Variants in FSHR observed in about 807,000 individuals in gnomAD.
FSHR encodes follicle-stimulating hormone receptor.
In FSHR, 46 loss-of-function variants were observed where a neutral mutation model predicts 52.1. That is an observed-to-expected ratio of 0.88 (90% CI 0.70 to 1.13). The LOEUF (loss-of-function observed/expected upper bound fraction) is 1.13. Ranked by LOEUF, FSHR falls within the 50% of genes most tolerant of loss-of-function variation. The probability of loss-of-function intolerance (pLI) is 0.00; values close to 1 mark genes in which losing one functional copy is unlikely to be tolerated. For synonymous variants in FSHR, 399 were observed against 309.6 expected (o/e 1.29, Z -3.03); for missense variants, 964 against 834.6 (o/e 1.16, Z -1.91).
At chr2:49,131,435 CAAAT>C (rs1271864806) in intron 1 of FSHR, among the ~76,000 whole-genome samples, 2 of 152,110 alleles carry the variant, frequency 1.3e-5, no homozygotes, top group Non-Finnish European at 2.9e-5. Context: ...GCAATAAAAA[CAAAT>C]AAATAAATAA....
chr2:49,070,978 G>C (rs992708445), intron 1 of FSHR, among the ~76,000 whole-genome samples: 8 of 152,096 alleles, frequency 5.3e-5, no homozygotes, highest in African/African-American at 1.9e-4. Context: ...AATTCTAAGA[G>C]GGTAAACTAA....
intron 2 of FSHR, among the ~76,000 whole-genome samples, chr2:49,030,217 G>C (rs957414510): frequency 2.6e-5 from 4 of 152,110 alleles, no homozygotes; most frequent in African/African-American, 4.8e-5. Context: ...CAGTAAGCCA[G>C]TGTTGATTTC....
intron 6 of FSHR, among the ~76,000 whole-genome samples, chr2:48,984,944 T>G (rs2104075586): frequency 6.6e-6 from 1 of 152,328 alleles, no homozygotes; most frequent in East Asian, 1.9e-4. Flanking sequence ...TTTCTTGATA[T>G]CAGCAGTGGA....
intron 1 of FSHR, among the ~76,000 whole-genome samples, chr2:49,153,866 C>A (rs933213946): frequency 6.6e-6 from 1 of 152,110 alleles, no homozygotes; most frequent in South Asian, 2.1e-4. Context: ...GGGAGACATA[C>A]CTTGTGTATT....
intron 1 of FSHR, among the ~76,000 whole-genome samples, chr2:49,072,988 G>T (rs868264973): frequency 6.6e-6 from 1 of 152,050 alleles, no homozygotes; most frequent in Admixed American, 6.5e-5. Context: ...CAAAAGGTAT[G>T]TGCACATTTC....
chr2:49,049,824 A>AAT (rs5831020), intron 2 of FSHR, among the ~76,000 whole-genome samples: 2,246 of 144,812 alleles, frequency 0.016, 57 homozygotes, highest in African/African-American at 0.033. Context: ...CCCCTACTCT[A>AAT]ATATATATAT....
chr2:49,130,130 C>T (rs1672211020), intron 1 of FSHR, among the ~76,000 whole-genome samples: 1 of 152,166 alleles, frequency 6.6e-6, no homozygotes, highest in African/African-American at 2.4e-5. Context: ...TACTTAATTA[C>T]TTTGTGCCTC....
intron 2 of FSHR, among the ~76,000 whole-genome samples, chr2:49,064,892 A>T (rs567460689): frequency 2.0e-5 from 3 of 152,288 alleles, no homozygotes; most frequent in Admixed American, 6.5e-5. Flanking sequence ...TAAGCATTTC[A>T]TCTGGTCCCT....
intron 1 of FSHR, among the ~76,000 whole-genome samples, chr2:49,096,406 A>T (rs1670823019): frequency 6.6e-6 from 1 of 152,260 alleles, no homozygotes. Context: ...CAGAATGGGC[A>T]AATATATAGA....
intron 2 of FSHR, among the ~76,000 whole-genome samples, chr2:49,058,272 G>A (rs1465976620): frequency 2.6e-5 from 4 of 152,198 alleles, no homozygotes; most frequent in Admixed American, 6.5e-5. Flanking sequence ...AAACTGGCCA[G>A]GTGCAGTGGC....
At chr2:49,141,740 G>T (rs1345609727) in intron 1 of FSHR, among the ~76,000 whole-genome samples, 1 of 152,110 alleles carries the variant, frequency 6.6e-6, no homozygotes, top group East Asian at 1.9e-4. Context: ...TTAAAGATGA[G>T]TCCAGCATTT....
intron 1 of FSHR, among the ~76,000 whole-genome samples, chr2:49,094,171 A>T (rs1036417891): frequency 1.3e-5 from 2 of 152,094 alleles, no homozygotes; most frequent in African/African-American, 4.8e-5. Flanking sequence ...TGCTCTAGGG[A>T]TTAAACTTTT....
At chr2:49,062,923 A>C (rs759456559) in intron 2 of FSHR, among the ~76,000 whole-genome samples, 64 of 152,096 alleles carry the variant, frequency 4.2e-4, no homozygotes, top group Non-Finnish European at 6.9e-4. Flanking sequence ...AAAACCAAAA[A>C]CATAAACAAA....
At chr2:48,965,146 A>G (rs566646470) in intron 9 of FSHR, among the ~76,000 whole-genome samples, 3 of 152,120 alleles carry the variant, frequency 2.0e-5, no homozygotes, top group Non-Finnish European at 2.9e-5. Context: ...CCTTCTTAAG[A>G]AGGAAAAAGG....
chr2:49,029,195 T>G (rs1426336465), intron 2 of FSHR, among the ~76,000 whole-genome samples: 1 of 152,242 alleles, frequency 6.6e-6, no homozygotes, highest in Non-Finnish European at 1.5e-5. Context: ...ACTACTCTTC[T>G]TCAGTGACAC....
chr2:48,980,280 T>C (rs1675188778), intron 8 of FSHR, among the ~76,000 whole-genome samples: 1 of 152,224 alleles, frequency 6.6e-6, no homozygotes, highest in African/African-American at 2.4e-5. Flanking sequence ...TGGGGAGTGC[T>C]TCCTAATTCC....
chr2:49,059,405 G>T (rs1458471716), intron 2 of FSHR, among the ~76,000 whole-genome samples: 1 of 146,548 alleles, frequency 6.8e-6, no homozygotes, highest in African/African-American at 2.6e-5. Flanking sequence ...AAAACAGCAT[G>T]GTACTGGGGG....
chr2:49,127,890 TTCTTCTTC>T (rs1558457060), intron 1 of FSHR, among the ~76,000 whole-genome samples: 1,533 of 38,708 alleles, frequency 0.04, 242 homozygotes, highest in Middle Eastern at 0.073. Flanking sequence ...CTTCTTCTTC[TTCTTCTTC>T]TTTTTTTTTT....
chr2:49,013,601 T>A (rs1667372544), intron 4 of FSHR, among the ~76,000 whole-genome samples: 1 of 149,586 alleles, frequency 6.7e-6, no homozygotes, highest in Middle Eastern at 3.5e-3. Context: ...GAGGGCAGAG[T>A]TGCCATACAC....
Sources: allele counts gnomAD v4.1 joint callset (sites outside exome capture counted in the v4.1 genomes callset), GRCh38; gene constraint gnomAD v4.1.1; transcripts MANE v1.5; gene names NCBI Gene and HGNC (gene_info 2026-07-23, HGNC 2026-07-21).